Variants in MAF observed in about 807,000 individuals in gnomAD.
MAF encodes the protein transcription factor Maf.
MAF carries 10 observed loss-of-function variants against 22.0 expected under a neutral mutation model. The observed-to-expected ratio is 0.45, with a 90% CI of 0.28 to 0.77. The LOEUF (loss-of-function observed/expected upper bound fraction) is 0.77. MAF is among the 30% of genes least tolerant of loss of function. MAF has a pLI of 0.12. For missense variants in MAF, 544 were observed against 548.4 expected (o/e 0.99, Z 0.08); for synonymous variants, 337 against 255.8 (o/e 1.32, Z -3.03).
chr16:79,439,857 C>T, the MAF span, among the ~76,000 whole-genome samples: 2 of 152,190 alleles, frequency 1.3e-5, no homozygotes, highest in Non-Finnish European at 2.9e-5. Context: ...CCAAAGAGAC[C>T]AATATATTAA....
chr16:79,400,391 C>T, the MAF span, among the ~76,000 whole-genome samples: 1 of 152,234 alleles, frequency 6.6e-6, no homozygotes, highest in African/African-American at 2.4e-5. Context: ...TTCTTCATCC[C>T]ATGGAATAAG....
the MAF span, among the ~76,000 whole-genome samples, chr16:79,367,945 G>A: frequency 0.3 from 45,545 of 152,130 alleles, 8,125 homozygotes; most frequent in Non-Finnish European, 0.42. Flanking sequence ...AAAATAAATG[G>A]CCAGACACTA....
chr16:79,590,292 A>G (rs1913117430), downstream of MAF, among the ~76,000 whole-genome samples: 1 of 152,162 alleles, frequency 6.6e-6, no homozygotes, highest in Non-Finnish European at 1.5e-5. Context: ...CTCTGCCTAC[A>G]TCTCCTTCAT....
At chr16:79,597,370 AAAAAT>A in intron 1 of MAF, 1 of 1,037,608 alleles carries the variant, frequency 9.6e-7, no homozygotes, top group Non-Finnish European at 1.2e-6. Flanking sequence ...AATATAAAAT[AAAAAT>A]AAAACAAACC....
At chr16:79,248,331 G>A in the MAF span, among the ~76,000 whole-genome samples, 1 of 152,046 alleles carries the variant, frequency 6.6e-6, no homozygotes, top group Non-Finnish European at 1.5e-5. Flanking sequence ...ATACAATACA[G>A]TGTCTGCAAT....
the MAF span, among the ~76,000 whole-genome samples, chr16:79,382,589 C>T: frequency 2.6e-5 from 4 of 152,210 alleles, no homozygotes; most frequent in South Asian, 2.1e-4. Context: ...CTGATCAGAC[C>T]CTGAACGCAG....
chr16:79,362,914 C>CT, the MAF span, among the ~76,000 whole-genome samples: 2 of 152,078 alleles, frequency 1.3e-5, no homozygotes, highest in Non-Finnish European at 2.9e-5. Flanking sequence ...CTGGTATATC[C>CT]TTTTTTTATG....
At chr16:79,440,310 A>C in the MAF span, among the ~76,000 whole-genome samples, 2 of 152,216 alleles carry the variant, frequency 1.3e-5, no homozygotes, top group African/African-American at 2.4e-5. Context: ...ACCCCAGTGG[A>C]AGGGCTGTGT....
the MAF span, among the ~76,000 whole-genome samples, chr16:79,295,761 G>A: frequency 0.026 from 4,026 of 152,300 alleles, 170 homozygotes; most frequent in African/African-American, 0.092. Context: ...TGTGTGTCAG[G>A]CACAGTGGTA....
At chr16:79,402,006 TAAATGCCCAAAGTC>T in the MAF span, among the ~76,000 whole-genome samples, 1 of 152,140 alleles carries the variant, frequency 6.6e-6, no homozygotes, top group African/African-American at 2.4e-5. Context: ...CCAAAGAGGT[TAAATGCCCAAAGTC>T]ACACAGCTAC....
At chr16:79,587,246 G>A (rs557137880) in intron 1 of MAF, among the ~76,000 whole-genome samples, 35 of 152,058 alleles carry the variant, frequency 2.3e-4, no homozygotes, top group Admixed American at 1.8e-3. Flanking sequence ...GAAACTACTC[G>A]CCTTTACGTA....
the MAF span, among the ~76,000 whole-genome samples, chr16:79,486,227 C>T: frequency 6.6e-6 from 1 of 152,256 alleles, no homozygotes; most frequent in Non-Finnish European, 1.5e-5. Flanking sequence ...GCAAGAGAAG[C>T]ATTTCTGGTT....
the MAF span, among the ~76,000 whole-genome samples, chr16:79,579,919 A>G: frequency 5.9e-5 from 9 of 152,186 alleles, no homozygotes; most frequent in Non-Finnish European, 1.0e-4. Context: ...GGAACCACAC[A>G]CCAGCCCAGC....
At chr16:79,277,205 C>T in the MAF span, among the ~76,000 whole-genome samples, 119,544 of 151,918 alleles carry the variant, frequency 0.79, 47,711 homozygotes, top group East Asian at 0.94. Context: ...ATCTAGGACA[C>T]GTGCAGTTCG....
the MAF span, among the ~76,000 whole-genome samples, chr16:79,561,557 A>G: frequency 2.0e-5 from 3 of 151,152 alleles, no homozygotes; most frequent in Non-Finnish European, 4.4e-5. Flanking sequence ...ACGAGTGAGA[A>G]CATGCAGTGT....
chr16:79,572,485 C>G, the MAF span, among the ~76,000 whole-genome samples: 3 of 152,186 alleles, frequency 2.0e-5, no homozygotes, highest in African/African-American at 4.8e-5. Flanking sequence ...AACGCACATA[C>G]GTCTCTTTTA....
At chr16:79,596,787 A>G in intron 1 of MAF, 1 of 1,047,706 alleles carries the variant, frequency 9.5e-7, no homozygotes, top group Non-Finnish European at 1.2e-6. Context: ...GTTCTGCACC[A>G]CAATACAACT....
chr16:79,555,432 C>A, the MAF span, among the ~76,000 whole-genome samples: 3 of 152,194 alleles, frequency 2.0e-5, no homozygotes, highest in African/African-American at 4.8e-5. Context: ...ATAGGCAAGT[C>A]TTTGACAGGA....
chr16:79,344,006 G>C, the MAF span, among the ~76,000 whole-genome samples: 1 of 152,190 alleles, frequency 6.6e-6, no homozygotes, highest in African/African-American at 2.4e-5. Flanking sequence ...GGTCCAGTGA[G>C]TGTCATTTGC....
Sources: gnomAD v4.1 joint callset for allele counts (sites outside exome capture counted in the v4.1 genomes callset) on GRCh38, gnomAD v4.1.1 for gene constraint, MANE v1.5 for transcripts, NCBI Gene and HGNC (gene_info 2026-07-23, HGNC 2026-07-21) for gene names.